Variants in DPP6 observed in about 807,000 individuals in gnomAD.
The protein encoded by DPP6 is dipeptidyl peptidase like 6.
DPP6 carries 69 observed loss-of-function variants against 122.6 expected under a neutral mutation model. That is an observed-to-expected ratio of 0.56 (90% confidence interval 0.46 to 0.69). DPP6 has a LOEUF of 0.69. Ranked by LOEUF, DPP6 falls within the 30% of genes least tolerant of loss-of-function variation. The pLI, the probability that DPP6 is intolerant of heterozygous loss-of-function variation, is 0.00. For synonymous variants in DPP6, 418 were observed against 433.1 expected, an observed-to-expected ratio of 0.97 and a Z score of 0.43; for missense variants, 928 against 1,116.9, an observed-to-expected ratio of 0.83 and a Z score of 2.41.
intron 3 of DPP6, among the ~76,000 whole-genome samples, chr7:154,527,630 G>A (rs1486770575): frequency 6.6e-6 from 1 of 152,084 alleles, no homozygotes; most frequent in African/African-American, 2.4e-5. Context: ...TACATTCATT[G>A]TGTATACTCT....
intron 5 of DPP6, among the ~76,000 whole-genome samples, chr7:154,596,265 A>G (rs1490263625): frequency 6.6e-6 from 1 of 152,148 alleles, no homozygotes; most frequent in African/African-American, 2.4e-5. Flanking sequence ...AAACTGCCCT[A>G]TTTTTTCCTT....
chr7:154,198,087 A>G (rs1285643852), intron 1 of DPP6, among the ~76,000 whole-genome samples: 2 of 152,118 alleles, frequency 1.3e-5, no homozygotes, highest in African/African-American at 2.4e-5. Context: ...ATGGCTGTAG[A>G]TGTGCAAACT....
the DPP6 span, among the ~76,000 whole-genome samples, chr7:153,801,830 G>T: frequency 1.3e-5 from 2 of 152,126 alleles, no homozygotes; most frequent in Admixed American, 1.3e-4. Flanking sequence ...ACTGGCCATG[G>T]TTCATTAAAA....
rs1377907074 is a variant in DPP6, at chr7:154,481,881, A to G, written c.457+6844A>G. ...TTACATAGGTTAAGTATAATTATTT[A>G]TGAATGTAAACTCCACAAGGATGGG... is the stretch of plus-strand genomic sequence containing the variant. On this transcript the variant is annotated intron_variant, in intron 3 of 25. Coordinates refer to ENST00000377770, the MANE Select transcript of DPP6 (RefSeq NM_130797.4). The surrounding 1 kb of genome is among the most constrained non-coding windows in gnomAD (Gnocchi z 4.2). 6.6e-6 allele frequency among the ~76,000 whole-genome samples: 1 copy of G among 152,146 alleles called. No individual in the cohort carries two copies. The highest frequency in any genetic ancestry group is 1.5e-5 in the Non-Finnish European group (1 of 68,036).
chr7:153,775,616 C>T, the DPP6 span, among the ~76,000 whole-genome samples: 1 of 151,758 alleles, frequency 6.6e-6, no homozygotes, highest in Admixed American at 6.6e-5. Context: ...AAATAAAGGC[C>T]TCAAAATTTG....
At chr7:153,829,708 C>G in the DPP6 span, among the ~76,000 whole-genome samples, 1 of 152,226 alleles carries the variant, frequency 6.6e-6, no homozygotes, top group African/African-American at 2.4e-5. Flanking sequence ...TGCATACCAG[C>G]TTTGGGTGGA....
intron 1 of DPP6, among the ~76,000 whole-genome samples, chr7:154,103,338 G>GA (rs1353144682): frequency 6.6e-6 from 1 of 152,200 alleles, no homozygotes; most frequent in Non-Finnish European, 1.5e-5. Flanking sequence ...CCTTGTGGGA[G>GA]AAAATCCTGC....
intron 5 of DPP6, among the ~76,000 whole-genome samples, chr7:154,598,416 C>A (rs563069315): frequency 3.9e-5 from 6 of 152,276 alleles, no homozygotes; most frequent in African/African-American, 1.4e-4. Context: ...TGCAGACAGC[C>A]TTTGGCCATT....
intron 1 of DPP6, among the ~76,000 whole-genome samples, chr7:153,959,018 G>T (rs2531116): frequency 2.0e-5 from 3 of 152,286 alleles, no homozygotes; most frequent in East Asian, 1.9e-4. Flanking sequence ...TGAGATGAGT[G>T]CAGAGATTTT....
chr7:154,395,660 A>G (rs540930694), intron 1 of DPP6, among the ~76,000 whole-genome samples: 1 of 152,260 alleles, frequency 6.6e-6, no homozygotes, highest in South Asian at 2.1e-4. Context: ...TGGGATCCTT[A>G]AGGTTTTTAT....
intron 1 of DPP6, among the ~76,000 whole-genome samples, chr7:154,392,132 G>T (rs1255410911): frequency 1.3e-5 from 2 of 152,024 alleles, no homozygotes; most frequent in East Asian, 1.9e-4. Context: ...AAATTAGCTG[G>T]GTGTGTGGCA....
chr7:154,003,361 T>C (rs1338885636), intron 1 of DPP6, among the ~76,000 whole-genome samples: 1 of 152,234 alleles, frequency 6.6e-6, no homozygotes, highest in East Asian at 1.9e-4. Context: ...CTGAGTATGT[T>C]AGTTTGGAAC....
At chr7:154,022,983 C>G (rs1487069666) in intron 1 of DPP6, among the ~76,000 whole-genome samples, 17 of 152,138 alleles carry the variant, frequency 1.1e-4, no homozygotes, top group Admixed American at 1.1e-3. Flanking sequence ...AAAGCCAATT[C>G]CCCTTCTCCT....
At chr7:153,960,705 ATGTG>A (rs1420165143) in intron 1 of DPP6, among the ~76,000 whole-genome samples, 12 of 98,464 alleles carry the variant, frequency 1.2e-4, no homozygotes, top group Middle Eastern at 4.3e-3. Flanking sequence ...GTGTGTGTGA[ATGTG>A]TGTGCATGCG....
intron 17 of DPP6, 54 bp downstream of exon 17, chr7:154,853,881 A>G: frequency 6.2e-7 from 1 of 1,606,748 alleles, no homozygotes; most frequent in Non-Finnish European, 8.5e-7. Flanking sequence ...GAAAGGAAGC[A>G]AAACACTCTA....
intron 2 of DPP6, among the ~76,000 whole-genome samples, chr7:154,455,954 G>A (rs1464938891): frequency 6.6e-6 from 1 of 152,028 alleles, no homozygotes; most frequent in Admixed American, 6.6e-5. Flanking sequence ...TAATTTTGGT[G>A]GCCTTAAGGA....
chr7:153,853,591 T>G, the DPP6 span, among the ~76,000 whole-genome samples: 1 of 152,150 alleles, frequency 6.6e-6, no homozygotes, highest in Non-Finnish European at 1.5e-5. Flanking sequence ...TAGGCCTGGA[T>G]GGAAGGCCAT....
At chr7:154,757,310 G>A (rs556680266) in intron 8 of DPP6, among the ~76,000 whole-genome samples, 61 of 152,304 alleles carry the variant, frequency 4.0e-4, no homozygotes, top group Admixed American at 1.6e-3. Flanking sequence ...CCTTTCCAAT[G>A]GGTGTGCAGG....
At chr7:154,205,082 T>C (rs185660015) in intron 1 of DPP6, among the ~76,000 whole-genome samples, 1 of 152,322 alleles carries the variant, frequency 6.6e-6, no homozygotes, top group East Asian at 1.9e-4. Flanking sequence ...TGATATTATT[T>C]CTCTCTAAGT....
Sources: gnomAD v4.1 joint callset for allele counts (sites outside exome capture counted in the v4.1 genomes callset) on GRCh38, gnomAD v4.1.1 for gene constraint, Gnocchi (gnomAD v3.1) non-coding constraint, MANE v1.5 for transcripts, NCBI Gene and HGNC (gene_info 2026-07-23, HGNC 2026-07-21) for gene names.